The following PBX1 variants were observed in gnomAD, a reference collection of about 807,000 sequenced individuals.
PBX1 encodes the protein PBX homeobox 1, also known as pre-B-cell leukemia transcription factor 1.
A neutral mutation model predicts 53.4 loss-of-function variants in PBX1; 6 were observed. The ratio of observed to expected loss-of-function variants is 0.11; its 90% CI spans 0.06 to 0.22. PBX1 has a LOEUF of 0.22. Ranked by LOEUF, PBX1 falls within the 10% of genes least tolerant of loss-of-function variation. The probability of loss-of-function intolerance (pLI) is 1.00; values close to 1 mark genes in which losing one functional copy is unlikely to be tolerated. For synonymous variants in PBX1, 204 were observed against 212.3 expected (o/e 0.96, Z 0.34); for missense variants, 251 against 551.4 (o/e 0.46, Z 5.46).
intron 2 of PBX1, among the ~76,000 whole-genome samples, chr1:164,627,588 A>T (rs1004041775): frequency 6.6e-6 from 1 of 152,174 alleles, no homozygotes; most frequent in Non-Finnish European, 1.5e-5. Flanking sequence ...TCTTGAAGGA[A>T]GCCTCAAGAG....
At chr1:164,640,817 C>T (rs1659096479) in intron 2 of PBX1, among the ~76,000 whole-genome samples, 1 of 152,078 alleles carries the variant, frequency 6.6e-6, no homozygotes. Context: ...CTTGGCCTCC[C>T]AAAGTGCTAG....
chr1:164,670,662 G>A (rs762286219), intron 2 of PBX1, among the ~76,000 whole-genome samples: 17 of 152,134 alleles, frequency 1.1e-4, no homozygotes, highest in Non-Finnish European at 2.4e-4. Flanking sequence ...GAGAGAAAGG[G>A]GCTTTTAGAG....
chr1:164,595,503 CTT>C (rs1190482151), intron 2 of PBX1, among the ~76,000 whole-genome samples: 29 of 137,880 alleles, frequency 2.1e-4, no homozygotes, highest in Non-Finnish European at 2.4e-4. Context: ...TGGTGGGAGC[CTT>C]TTTTTTTTTT....
chr1:164,753,317 A>G (rs763084633), intron 2 of PBX1, among the ~76,000 whole-genome samples: 11 of 152,232 alleles, frequency 7.2e-5, no homozygotes, highest in Non-Finnish European at 1.6e-4. Flanking sequence ...GAGTTAAGTC[A>G]GCAACTCTTA....
intron 2 of PBX1, among the ~76,000 whole-genome samples, chr1:164,780,599 C>T (rs965521377): frequency 1.3e-5 from 2 of 152,126 alleles, no homozygotes; most frequent in South Asian, 2.1e-4. Flanking sequence ...CCTTAGGCCT[C>T]ATTTCCCCAA....
chr1:164,793,872 C>CCTTT (rs1553247240), intron 3 of PBX1, among the ~76,000 whole-genome samples: 1 of 78,218 alleles, frequency 1.3e-5, no homozygotes, highest in African/African-American at 5.1e-5. Context: ...TTTTTCCTTT[C>CCTTT]TTTTTTTTTT....
At chr1:164,752,749 A>G (rs1666303916) in intron 2 of PBX1, among the ~76,000 whole-genome samples, 1 of 152,226 alleles carries the variant, frequency 6.6e-6, no homozygotes, top group South Asian at 2.1e-4. Context: ...TGATGTGGAT[A>G]GGAGTGCAGT....
chr1:164,576,245 G>T (rs1654224075), intron 2 of PBX1, among the ~76,000 whole-genome samples: 1 of 152,174 alleles, frequency 6.6e-6, no homozygotes, highest in South Asian at 2.1e-4. Flanking sequence ...GTAGATTGTC[G>T]CCTGAGTCTT....
chr1:164,611,744 G>C (rs908670003), intron 2 of PBX1, among the ~76,000 whole-genome samples: 17 of 152,152 alleles, frequency 1.1e-4, no homozygotes, highest in African/African-American at 4.1e-4. Flanking sequence ...TAGAGAAGAG[G>C]GTGACATACC....
intron 2 of PBX1, among the ~76,000 whole-genome samples, chr1:164,716,687 C>CACACAG (rs1664107852): frequency 3.5e-5 from 2 of 56,832 alleles, no homozygotes; most frequent in East Asian, 4.4e-4. Flanking sequence ...GTCATCTCTA[C>CACACAG]ACACACACAC....
chr1:164,758,318 G>A (rs1666632792), intron 2 of PBX1, among the ~76,000 whole-genome samples: 1 of 152,150 alleles, frequency 6.6e-6, no homozygotes, highest in African/African-American at 2.4e-5. Flanking sequence ...TCAGTGCATG[G>A]TGTCATGGGT....
At chr1:164,668,733 G>T (rs7556157) in intron 2 of PBX1, among the ~76,000 whole-genome samples, 1 of 152,154 alleles carries the variant, frequency 6.6e-6, no homozygotes, top group Admixed American at 6.5e-5. Context: ...CCGGCTCCTC[G>T]CGCCAATGTG....
At chr1:164,600,434 A>T (rs1337104181) in intron 2 of PBX1, among the ~76,000 whole-genome samples, 1 of 151,844 alleles carries the variant, frequency 6.6e-6, no homozygotes, top group Non-Finnish European at 1.5e-5. Flanking sequence ...TTTTTAGTAG[A>T]TATGGGGTTT....
downstream of PBX1, among the ~76,000 whole-genome samples, chr1:164,852,589 A>G (rs548382647): frequency 1.3e-5 from 2 of 152,172 alleles, no homozygotes; most frequent in African/African-American, 4.8e-5. Context: ...CATGCATTAC[A>G]TTCTCATTTT....
intron 2 of PBX1, among the ~76,000 whole-genome samples, chr1:164,759,735 C>G (rs148788018): frequency 1.8e-4 from 28 of 152,266 alleles, no homozygotes; most frequent in African/African-American, 6.7e-4. Flanking sequence ...ACATGGAGAG[C>G]TGGAACTGGG....
In PBX1 at chr1:164,559,766, A is replaced by G; in HGVS notation, c.-57A>G. Reference sequence around the variant, plus strand: ...AGGATAAAAAGCCTTGGTGCTTCCCAGGAGCCGAGCCGAGGAGCAGAAGAG... The same window carrying G: ...AGGATAAAAAGCCTTGGTGCTTCCCGGGAGCCGAGCCGAGGAGCAGAAGAG... On this transcript the variant is annotated 5_prime_UTR_variant, in exon 1 of 9. Coordinates refer to ENST00000420696, the MANE Select transcript of PBX1 (RefSeq NM_002585.4). The G allele has an allele frequency of 2.2e-6, 3 of 1,390,192 alleles. No individual in the cohort carries two copies. Among genetic ancestry groups the G allele is most frequent in the Non-Finnish European group, 9.7e-7 (1 of 1,029,170 alleles). The allele number at this position is 1,390,192 out of a possible 1,614,324, so 86.1% of individuals were successfully genotyped here. A position where few individuals can be genotyped will look rare whatever the true frequency, so the allele number is the denominator to read the frequency against.
chr1:164,791,796 G>A (rs187418467), intron 2 of PBX1, among the ~76,000 whole-genome samples: 29 of 152,092 alleles, frequency 1.9e-4, no homozygotes, highest in African/African-American at 6.7e-4. Context: ...TTTTATTGTG[G>A]TAAAATATAT....
intron 5 of PBX1, 57 bp from the exon 6 acceptor site, chr1:164,811,933 G>A: frequency 6.8e-7 from 1 of 1,461,578 alleles, no homozygotes; most frequent in Non-Finnish European, 9.3e-7. Flanking sequence ...TTTTTCTTCT[G>A]CAATGTTTCT....
chr1:164,647,955 C>T (rs1659562196), intron 2 of PBX1, among the ~76,000 whole-genome samples: 2 of 152,028 alleles, frequency 1.3e-5, no homozygotes, highest in African/African-American at 4.8e-5. Context: ...GCTGGGACTA[C>T]GGGCGCCCAC....
Sources: gnomAD v4.1 joint callset for allele counts (sites outside exome capture counted in the v4.1 genomes callset) on GRCh38, gnomAD v4.1.1 for gene constraint, MANE v1.5 for transcripts, NCBI Gene and HGNC (gene_info 2026-07-23, HGNC 2026-07-21) for gene names.